CNTNAP5: variants seen among roughly 807,000 people sequenced by gnomAD.
CNTNAP5 encodes contactin-associated protein-like 5.
In CNTNAP5, 72 loss-of-function variants were observed where a neutral mutation model predicts 150.2. The ratio of observed to expected loss-of-function variants is 0.48; its 90% CI spans 0.40 to 0.58. The LOEUF is 0.58. CNTNAP5 is among the 20% of genes least tolerant of loss of function. The pLI is 0.00. For synonymous variants in CNTNAP5, 672 were observed against 619.8 expected (o/e 1.08, Z -1.25); for missense variants, 1,636 against 1,626.2 (o/e 1.01, Z -0.10).
intron 21 of CNTNAP5, among the ~76,000 whole-genome samples, chr2:124,876,848 A>G (rs10191955): frequency 0.068 from 10,316 of 152,044 alleles, 1,124 homozygotes; most frequent in African/African-American, 0.23. Context: ...TTTGGGTAAT[A>G]AAGTATTTTA....
At chr2:124,797,281 G>T (rs1681867485) in intron 18 of CNTNAP5, among the ~76,000 whole-genome samples, 1 of 152,130 alleles carries the variant, frequency 6.6e-6, no homozygotes, top group Non-Finnish European at 1.5e-5. Context: ...GGTAACAGTT[G>T]GTGTGCTAGA....
chr2:124,562,278 C>T (rs901283664), intron 10 of CNTNAP5, among the ~76,000 whole-genome samples: 2 of 152,186 alleles, frequency 1.3e-5, no homozygotes, highest in Non-Finnish European at 1.5e-5. Flanking sequence ...GTATCTTAAA[C>T]TTTTACTTAA....
intron 19 of CNTNAP5, among the ~76,000 whole-genome samples, chr2:124,849,753 G>C (rs1253674912): frequency 2.0e-5 from 3 of 152,116 alleles, no homozygotes; most frequent in African/African-American, 7.2e-5. Context: ...TACATGCAAT[G>C]GTTCCAGGAC....
intron 19 of CNTNAP5, among the ~76,000 whole-genome samples, chr2:124,800,470 G>T (rs1219347391): frequency 1.3e-5 from 2 of 152,080 alleles, no homozygotes; most frequent in South Asian, 2.1e-4. Context: ...CTGTTTGATT[G>T]ATTTATTGTA....
chr2:124,798,384 T>C, intron 19 of CNTNAP5, 64 bp downstream of exon 19: 2 of 1,157,332 alleles, frequency 1.7e-6, no homozygotes, highest in Non-Finnish European at 2.6e-6. Context: ...GTGCATGCCC[T>C]CCAGAACTCT....
Position 124,451,356 on chromosome 2 carries a change from G to A in CNTNAP5, c.918+4419G>A, listed in dbSNP as rs112736523. On this transcript the variant is annotated intron_variant, in intron 6 of 23. Transcript: ENST00000682447. ...GAGATCATATTTTTTAAACGTAAGA[G>A]TGCTGGAGTTCTTCTAGGAATGGCA... 4.2e-4 allele frequency among the ~76,000 whole-genome samples: 63 copies of A among 151,792 alleles called. 2 individuals are homozygous for A. The highest frequency in any genetic ancestry group is 1.5e-3 in the African/African-American group (61 of 41,358).
chr2:124,849,759 A>G (rs529602250), intron 19 of CNTNAP5, among the ~76,000 whole-genome samples: 1 of 152,362 alleles, frequency 6.6e-6, no homozygotes, highest in African/African-American at 2.4e-5. Flanking sequence ...CAATGGTTCC[A>G]GGACAAGTTC....
intron 21 of CNTNAP5, among the ~76,000 whole-genome samples, chr2:124,875,114 T>C (rs1255870114): frequency 6.6e-6 from 1 of 152,030 alleles, no homozygotes; most frequent in Admixed American, 6.6e-5. Flanking sequence ...TCTTTAATTC[T>C]CCCCAATCCC....
At chr2:124,031,070 A>C (rs1169997115) in intron 1 of CNTNAP5, among the ~76,000 whole-genome samples, 1 of 142,712 alleles carries the variant, frequency 7.0e-6, no homozygotes, top group East Asian at 2.1e-4. Context: ...ATTTATTTTC[A>C]TAGACTGCCT....
intron 13 of CNTNAP5, among the ~76,000 whole-genome samples, chr2:124,675,856 T>C (rs902754132): frequency 1.3e-5 from 2 of 152,174 alleles, no homozygotes; most frequent in Admixed American, 1.3e-4. Flanking sequence ...AGTTCAACAT[T>C]TGGTCTTCTT....
intron 17 of CNTNAP5, among the ~76,000 whole-genome samples, chr2:124,782,682 C>G (rs1049244710): frequency 3.9e-5 from 6 of 151,992 alleles, no homozygotes; most frequent in African/African-American, 1.4e-4. Flanking sequence ...AAGCATCATT[C>G]TGAGAATGCA....
intron 3 of CNTNAP5, among the ~76,000 whole-genome samples, chr2:124,349,584 A>G (rs1429220594): frequency 6.6e-6 from 1 of 152,158 alleles, no homozygotes; most frequent in African/African-American, 2.4e-5. Flanking sequence ...CTCTTTGTCT[A>G]ACACACCTAT....
Position 124,899,986 on chromosome 2 carries a change from G to GT in CNTNAP5, c.3437-2886dup, listed in dbSNP as rs893439022. On this transcript the variant is annotated intron_variant, in intron 21 of 23. Transcript: ENST00000682447. ...CTCTATACAGGAGATATTTTGGAGG[G>GT]TTTTTTTTTTGGAGGCTGCATTGCT... Among the ~76,000 whole-genome samples, 434 of 144,758 alleles carry GT rather than the reference G, an allele frequency of 3.0e-3. 13 individuals carry two copies. The highest frequency in any genetic ancestry group is 0.014 in the Middle Eastern group (4 of 284). The allele number at this position is 144,758 out of a possible 152,430, so 95.0% of individuals were successfully genotyped here.
intron 12 of CNTNAP5, among the ~76,000 whole-genome samples, chr2:124,615,729 A>G (rs985001218): frequency 1.3e-5 from 2 of 152,214 alleles, no homozygotes; most frequent in Non-Finnish European, 2.9e-5. Flanking sequence ...CTTTGCCCAG[A>G]CACATGGGAG....
chr2:124,870,237 A>AT (rs922470325), intron 21 of CNTNAP5, among the ~76,000 whole-genome samples: 4 of 151,788 alleles, frequency 2.6e-5, no homozygotes, highest in African/African-American at 9.7e-5. Flanking sequence ...CAAGATAGAA[A>AT]TTTTTTATCT....
intron 10 of CNTNAP5, among the ~76,000 whole-genome samples, chr2:124,532,449 GTCCAGTCC>G (rs1312899940): frequency 2.6e-5 from 4 of 152,130 alleles, no homozygotes; most frequent in Admixed American, 1.3e-4. Context: ...CAGGAGCCAT[GTCCAGTCC>G]TGTGAGGTTC....
At chr2:124,865,774 T>G (rs1394015388) in intron 20 of CNTNAP5, among the ~76,000 whole-genome samples, 1 of 151,592 alleles carries the variant, frequency 6.6e-6, no homozygotes, top group African/African-American at 2.4e-5. Context: ...TGAAACCCCA[T>G]CTCTACTAAA....
chr2:124,230,130 G>A (rs184590249), intron 2 of CNTNAP5, among the ~76,000 whole-genome samples: 13 of 152,136 alleles, frequency 8.5e-5, no homozygotes, highest in South Asian at 2.1e-4. Context: ...CTTACCTCCC[G>A]CTTTGGCACA....
intron 1 of CNTNAP5, among the ~76,000 whole-genome samples, chr2:124,143,993 C>A (rs1272220080): frequency 6.6e-6 from 1 of 151,722 alleles, no homozygotes; most frequent in Non-Finnish European, 1.5e-5. Context: ...TCTTATACAA[C>A]AACAACAGAC....
Sources: allele counts gnomAD v4.1 joint callset (sites outside exome capture counted in the v4.1 genomes callset), GRCh38; gene constraint gnomAD v4.1.1; transcripts MANE v1.5; gene names NCBI Gene and HGNC (gene_info 2026-07-23, HGNC 2026-07-21).